GPS1: variants seen among roughly 807,000 people sequenced by gnomAD.
GPS1 encodes G protein pathway suppressor 1, also known as COP9 signalosome complex subunit 1.
In GPS1, 11 loss-of-function variants were observed where a neutral mutation model predicts 60.0. The ratio of observed to expected loss-of-function variants is 0.18; its 90% CI spans 0.12 to 0.30. The LOEUF (loss-of-function observed/expected upper bound fraction) is 0.30. Ranked by LOEUF, GPS1 falls within the 10% of genes least tolerant of loss-of-function variation. GPS1 has a pLI of 1.00. For synonymous variants in GPS1, 343 were observed against 269.8 expected (o/e 1.27, Z -2.66); for missense variants, 543 against 669.2 (o/e 0.81, Z 2.08).
rs769695265 is a variant in GPS1 at position 82,053,321 on chromosome 17, G to A, written c.81G>A (p.Pro27=). ...TCGACGTGGACCCCCAGGAAGACCCGCAGAATGCACCTGACGTCAACTACG... is the reference window on the plus strand; with the variant it reads ...TCGACGTGGACCCCCAGGAAGACCCACAGAATGCACCTGACGTCAACTACG... ...MQIDVDPQED[P]QNAPDVNYVV... is the part of the protein sequence containing the mutation. The change falls in exon 2 of 13, where the codon CCG becomes CCA. Residue 27 remains proline (P), a synonymous_variant. Coordinates refer to ENST00000578552, the MANE Select transcript of GPS1 (RefSeq NM_001321092.3). The A allele has an allele frequency of 3.8e-5, 58 of 1,545,214 alleles. No individual in the cohort carries two copies. Among genetic ancestry groups the A allele is most frequent in the Non-Finnish European group, 4.1e-5 (47 of 1,154,164 alleles).
chr17:82,057,285 G>T lies in GPS1; in HGVS notation c.*158G>T. The T allele has an allele frequency of 1.0e-6, 1 of 967,300 alleles. No individual in the cohort carries two copies. The highest frequency in any genetic ancestry group is 1.6e-6 in the Non-Finnish European group (1 of 616,022). 59.9% of individuals were successfully genotyped at this position (967,300 alleles called of 1,614,324 possible). A position where few individuals can be genotyped will look rare whatever the true frequency, so the allele number is the denominator to read the frequency against. On this transcript the variant is annotated 3_prime_UTR_variant, in exon 13 of 13. Transcript: ENST00000578552. ...CCTCCCTGGGGCTGAGGAGGCAGGC[G>T]GCTGCTAGTTGTGGCCCTTCCTGGA...
At chr17:82,055,965 C>T (rs2032603895) in intron 7 of GPS1, 36 bp from the exon 8 acceptor site, 4 of 1,529,232 alleles carry the variant, frequency 2.6e-6, no homozygotes, top group African/African-American at 1.4e-5. Context: ...TGGCCTGGCC[C>T]TTCACTGCCT....
intron 6 of GPS1, 116 bp downstream of exon 6, chr17:82,055,338 C>T (rs1408679602): frequency 1.2e-5 from 13 of 1,092,844 alleles, no homozygotes; most frequent in Non-Finnish European, 1.8e-5. Flanking sequence ...TGGCAGGGCG[C>T]AGGATGTTGT....
chr17:82,051,524 G>A (rs1326520955), upstream of GPS1: 19 of 1,399,420 alleles, frequency 1.4e-5, no homozygotes, highest in African/African-American at 3.0e-5. This position sits in a 1 kb window ranked among gnomAD's most constrained non-coding sequence, Gnocchi z 4.1. Context: ...GGGAGATCCA[G>A]GTGCGCAGCA....
At chr17:82,056,159 G>T in intron 8 of GPS1, 64 bp downstream of exon 8, 1 of 1,450,416 alleles carries the variant, frequency 6.9e-7, no homozygotes, top group Non-Finnish European at 9.6e-7. Flanking sequence ...TGCTGCTTCG[G>T]CCTTGCATGT....
Position 82,053,358 on chromosome 17 carries a change from C to T in GPS1, c.118C>T (p.Pro40Ser). 1.3e-6 allele frequency: 2 copies of T among 1,505,910 alleles called. No individual in the cohort carries two copies. The highest frequency in any genetic ancestry group is 2.6e-5 in the East Asian group (1 of 38,156). 93.3% of individuals were successfully genotyped at this position (1,505,910 alleles called of 1,614,324 possible). ...APDVNYVVEN[P>S]SLDLEQYAAS... Reference sequence around the variant, plus strand: ...TGACGTCAACTACGTGGTGGAGAACCCCAGCCTGGTACGGAGCCCAGTGGG... The same window carrying T: ...TGACGTCAACTACGTGGTGGAGAACTCCAGCCTGGTACGGAGCCCAGTGGG... Residue 40 changes from proline (P) to serine (S), a missense_variant, in exon 2 of 13, where the codon CCC becomes TCC. This residue lies in a region of GPS1 where 181 missense variants were observed against 188.8 expected (regional missense o/e 0.96). Coordinates refer to ENST00000578552, the MANE Select transcript of GPS1 (RefSeq NM_001321092.3).
At chr17:82,052,446 C>T (rs1325364870) in intron 1 of GPS1, 10 of 1,611,242 alleles carry the variant, frequency 6.2e-6, no homozygotes, top group Non-Finnish European at 8.5e-6. Flanking sequence ...TCGGCCTGTA[C>T]GCTGCTCTAC....
upstream of GPS1, chr17:82,051,863 C>T: frequency 8.7e-7 from 1 of 1,155,030 alleles, no homozygotes; most frequent in Non-Finnish European, 1.1e-6. The surrounding 1 kb of genome is among the most constrained non-coding windows in gnomAD (Gnocchi z 4.1). Flanking sequence ...CCGCCCCGCC[C>T]CGCGCCCCGG....
chr17:82,053,856 G>T lies in GPS1; in HGVS notation c.127-12G>T. On this transcript the variant is annotated splice_polypyrimidine_tract_variant and intron_variant, in intron 2 of 12. Transcript: ENST00000578552. ...CCCATCCTGCCTGACTCTTGTCTGTGCCTGCTCCCAGGATCTGGAACAGTA... is the reference window on the plus strand; with the variant it reads ...CCCATCCTGCCTGACTCTTGTCTGTTCCTGCTCCCAGGATCTGGAACAGTA... 1.2e-6 allele frequency: 2 copies of T among 1,601,058 alleles called. No homozygotes were observed. The highest frequency in any genetic ancestry group is 1.1e-5 in the South Asian group (1 of 90,430).
In GPS1 at chr17:82,053,884, C is replaced by A; in HGVS notation, c.143C>A (p.Ala48Glu). 1 of 1,610,764 alleles carries A rather than the reference C, an allele frequency of 6.2e-7. No individual in the cohort carries two copies. The highest frequency in any genetic ancestry group is 8.5e-7 in the Non-Finnish European group (1 of 1,179,448). The change falls in exon 3 of 13, where the codon GCG becomes GAG. Residue 48 changes from alanine (A) to glutamate (E), a missense_variant. Coordinates refer to ENST00000578552, the MANE Select transcript of GPS1 (RefSeq NM_001321092.3). ...TGCTCCCAGGATCTGGAACAGTACGCGGCCAGCTACAGCGGCCTGATGCGC... is the reference window on the plus strand; with the variant it reads ...TGCTCCCAGGATCTGGAACAGTACGAGGCCAGCTACAGCGGCCTGATGCGC... ...ENPSLDLEQYAASYSGLMRIE... is the reference protein window; with the variant it reads ...ENPSLDLEQYEASYSGLMRIE...
At chr17:82,052,481 C>T in intron 1 of GPS1, 2 of 1,603,410 alleles carry the variant, frequency 1.2e-6, no homozygotes, top group Non-Finnish European at 1.7e-6. Flanking sequence ...GACAGGGACC[C>T]CCGAGCGAGG....
upstream of GPS1, chr17:82,051,327 C>A: frequency 1.4e-6 from 2 of 1,449,534 alleles, no homozygotes; most frequent in Non-Finnish European, 1.8e-6. The surrounding 1 kb of genome is among the most constrained non-coding windows in gnomAD (Gnocchi z 4.1). Context: ...TCGTCCCCGT[C>A]GGTGAAGATA....
chr17:82,055,304 TGCCTCAGCCAGGGAAAACTTCCCTGGCAG>T, intron 6 of GPS1, 82 bp downstream of exon 6: 1 of 1,402,518 alleles, frequency 7.1e-7, no homozygotes, highest in Non-Finnish European at 9.9e-7. Context: ...GGCTGGTCCC[TGCCTCAGCCAGGGAAAACTTCCCTGGCAG>T]GGCGCAGGAT....
rs1246195774 is a variant in GPS1 at position 82,056,019 on chromosome 17, G to A, written c.853G>A (p.Val285Met). ...DFPELLSPSN[V>M]AIYGGLCALA... ...TCCTCAGCTGCTGTCCCCCAGCAAC[G>A]TGGCCATCTACGGTGGCCTGTGCGC... Residue 285 changes from valine (V) to methionine (M), a missense_variant, in exon 8 of 13, where the codon GTG (valine) becomes ATG (methionine). By Grantham distance (21) the Val-to-Met change is conservative (BLOSUM62 1). Coordinates refer to ENST00000578552, the MANE Select transcript of GPS1 (RefSeq NM_001321092.3). 3.7e-6 allele frequency: 6 copies of A among 1,611,362 alleles called. No individual in the cohort carries two copies. The highest frequency in any genetic ancestry group is 1.7e-5 in the Admixed American group (1 of 59,994).
rs1490178683 is a variant in GPS1 at position 82,053,862 on chromosome 17, T to C, written c.127-6T>C. ...CTGCCTGACTCTTGTCTGTGCCTGC[T>C]CCCAGGATCTGGAACAGTACGCGGC... On this transcript the variant is annotated splice_region_variant and splice_polypyrimidine_tract_variant and intron_variant, in intron 2 of 12. Transcript: ENST00000578552. 1 of 1,603,014 alleles carries C rather than the reference T, an allele frequency of 6.2e-7. No homozygotes were observed. The highest frequency in any genetic ancestry group is 1.3e-5 in the African/African-American group (1 of 74,772).
intron 1 of GPS1, chr17:82,053,020 G>A: frequency 2.9e-6 from 1 of 339,224 alleles, no homozygotes. Context: ...TGAGCGGCTA[G>A]AATCAGGCGA....
At chr17:82,052,178 C>T (rs1568039147) in intron 1 of GPS1, 1 of 1,313,546 alleles carries the variant, frequency 7.6e-7, no homozygotes, top group African/African-American at 1.5e-5. Flanking sequence ...CCGGGCCGCG[C>T]CCGCCCCGCC....
At chr17:82,054,193 GC>G in intron 3 of GPS1, 144 bp downstream of exon 3, 1 of 927,976 alleles carries the variant, frequency 1.1e-6, no homozygotes, top group Non-Finnish European at 1.6e-6. Flanking sequence ...CTTTTGGCCA[GC>G]AGTGGAAGTG....
rs777597772 is a variant in GPS1 at position 82,057,057 on chromosome 17, C to T, written c.1394C>T (p.Pro465Leu). Residue 465 changes from proline to leucine, a missense_variant, in exon 13 of 13, where the codon CCG becomes CTG. Pro to Leu is a moderately conservative substitution (Grantham distance 98). This residue lies in a region of GPS1 where 291 missense variants were observed against 353.7 expected (regional missense o/e 0.82). Coordinates refer to ENST00000578552, the MANE Select transcript of GPS1 (RefSeq NM_001321092.3). ...TGCTCCTTGTCTCCCCTGCAGTCCC[C>T]GCCCAGAGAAGGGAGCCAGGGGGAG... ...VLRNQIHVKS[P>L]PREGSQGELT... The T allele has an allele frequency of 1.3e-5, 20 of 1,596,166 alleles. No individual in the cohort carries two copies. Among genetic ancestry groups the T allele is most frequent in the Middle Eastern group, 1.7e-4 (1 of 6,006 alleles).
Sources: allele counts gnomAD v4.1 joint callset, GRCh38; gene constraint gnomAD v4.1.1; regional missense constraint gnomAD v4.1.1; non-coding constraint Gnocchi (gnomAD v3.1); transcripts MANE v1.5; gene names NCBI Gene and HGNC (gene_info 2026-07-23, HGNC 2026-07-21).